The following CUTC variants were observed in gnomAD, a reference collection of about 807,000 sequenced individuals.
The protein encoded by CUTC is cutC copper transporter.
A neutral mutation model predicts 36.2 loss-of-function variants in CUTC; 27 were observed. The observed-to-expected ratio is 0.75, with a 90% confidence interval of 0.55 to 1.03. CUTC has a LOEUF of 1.03. Among genes scored for constraint, CUTC ranks in the 50% least tolerant of loss-of-function variants. CUTC has a pLI of 0.00. For missense variants in CUTC, 315 were observed against 343.5 expected (o/e 0.92, Z 0.66); for synonymous variants, 114 against 118.3 (o/e 0.96, Z 0.24).
At chr10:99,755,374 A>C (rs1232893285) in intron 8 of CUTC, among the ~76,000 whole-genome samples, 1 of 122,974 alleles carries the variant, frequency 8.1e-6, no homozygotes, top group Admixed American at 9.2e-5. Context: ...CCTGTAATTT[A>C]AAAAGGAAAA....
chr10:99,742,696 C>T (rs570638227), intron 3 of CUTC, among the ~76,000 whole-genome samples: 1 of 147,850 alleles, frequency 6.8e-6, no homozygotes, highest in Admixed American at 6.8e-5. Flanking sequence ...CTCCCTTTCA[C>T]GTATCTTGTT....
chr10:99,740,942 C>T (rs1369485423), intron 3 of CUTC, among the ~76,000 whole-genome samples: 2 of 152,132 alleles, frequency 1.3e-5, no homozygotes, highest in Non-Finnish European at 2.9e-5. Flanking sequence ...CTTTTTATGT[C>T]TCTGATGTCT....
intron 3 of CUTC, among the ~76,000 whole-genome samples, chr10:99,742,428 T>C (rs944642764): frequency 2.6e-5 from 4 of 152,202 alleles, no homozygotes; most frequent in Non-Finnish European, 5.9e-5. Context: ...CCCTAGAGCA[T>C]GTCTGTAAAT....
chr10:99,749,812 T>G (rs549015324), intron 6 of CUTC, among the ~76,000 whole-genome samples: 202 of 152,240 alleles, frequency 1.3e-3, no homozygotes, highest in Non-Finnish European at 2.2e-3. Flanking sequence ...TTTGTTATAC[T>G]TATTGCTACC....
chr10:99,737,136 G>A (rs933312661), intron 2 of CUTC, among the ~76,000 whole-genome samples: 2 of 152,022 alleles, frequency 1.3e-5, no homozygotes, highest in African/African-American at 4.8e-5. Context: ...CAAGCGTGGT[G>A]GTGAGCACCT....
rs2231675 is a variant in CUTC at position 99,732,484 on chromosome 10, G to A, written c.61+75G>A. 0.58 allele frequency: 898,395 copies of A among 1,543,978 alleles called. 263,991 individuals are homozygous for A. The highest frequency in any genetic ancestry group is 0.72 in the Middle Eastern group (3,176 of 4,422). On this transcript the variant is annotated intron_variant, in intron 1 of 8. Coordinates refer to ENST00000370476, the MANE Select transcript of CUTC (RefSeq NM_015960.3). ...CGGGCCGGCGGGAGTCGTAGTCAGT[G>A]GTGATTTCTTCTGGAGTCGTTTCCT...
At chr10:99,743,932 AG>A in intron 4 of CUTC, 104 bp from the exon 5 acceptor site, 3 of 750,898 alleles carry the variant, frequency 4.0e-6, no homozygotes, top group Non-Finnish European at 6.3e-6. Flanking sequence ...CTGTCTTGTT[AG>A]GCGAAGAAAG....
In CUTC at chr10:99,732,270, C is replaced by A; in HGVS notation, c.-79C>A. 1 of 1,538,236 alleles carries A rather than the reference C, an allele frequency of 6.5e-7. No individual in the cohort carries two copies. Among genetic ancestry groups the A allele is most frequent in the Non-Finnish European group, 8.8e-7 (1 of 1,140,786 alleles). On this transcript the variant is annotated 5_prime_UTR_variant, in exon 1 of 9. Transcript: ENST00000370476. ...GCGCACGGGCGCGCGCAGCTGTTGA[C>A]GCGCTTCTTAGCTGGTGCGCGCCGG...
At chr10:99,753,652 A>G (rs112679317) in intron 7 of CUTC, among the ~76,000 whole-genome samples, 99 of 151,904 alleles carry the variant, frequency 6.5e-4, no homozygotes, top group Non-Finnish European at 1.3e-3. Flanking sequence ...CTCAAGTGAT[A>G]CTCCTGCCTT....
At chr10:99,732,595 G>T (rs2037224263) in intron 1 of CUTC, 186 bp downstream of exon 1, 1 of 1,435,476 alleles carries the variant, frequency 7.0e-7, no homozygotes, top group Non-Finnish European at 9.1e-7. Context: ...GGGGCAGGTA[G>T]CGAGAATGGC....
intron 1 of CUTC, among the ~76,000 whole-genome samples, chr10:99,735,101 C>CAAAA (rs56971127): frequency 3.2e-3 from 221 of 68,744 alleles, no homozygotes; most frequent in African/African-American, 7.8e-3. Context: ...GACTCTGTAT[C>CAAAA]AAAAAAAAAA....
intron 1 of CUTC, among the ~76,000 whole-genome samples, chr10:99,735,439 ACT>A (rs1336467444): frequency 1.3e-5 from 2 of 151,890 alleles, no homozygotes; most frequent in African/African-American, 2.4e-5. Flanking sequence ...ACAGAGTATC[ACT>A]CTGTCACCCA....
Position 99,732,336 on chromosome 10 carries a change from G to C in CUTC, c.-13G>C. ...TGGAAACTGCAGGCGCACGAGGGAG[G>C]AACGCGTGGAGCATGAAAAGGCAGG... On this transcript the variant is annotated 5_prime_UTR_variant, in exon 1 of 9. Transcript: ENST00000370476. 1 of 1,551,986 alleles carries C rather than the reference G, an allele frequency of 6.4e-7. No individual in the cohort carries two copies. Among genetic ancestry groups the C allele is most frequent in the Non-Finnish European group, 8.7e-7 (1 of 1,147,414 alleles).
rs1272027461 is a variant in CUTC at position 99,754,562 on chromosome 10, T to G, written c.635T>G (p.Ile212Ser). 6.2e-7 allele frequency: 1 copy of G among 1,613,722 alleles called. No individual in the cohort carries two copies. Among genetic ancestry groups the G allele is most frequent in the Non-Finnish European group, 8.5e-7 (1 of 1,179,698 alleles). Reference protein sequence around the residue: ...GGITDRNLQRILEGSGATEFH... With the variant: ...GGITDRNLQRSLEGSGATEFH... Reference sequence around the variant, plus strand: ...ATAACAGACAGAAATCTACAAAGGATCCTTGAGGGTTCAGGTGCTACAGAA... The same window carrying G: ...ATAACAGACAGAAATCTACAAAGGAGCCTTGAGGGTTCAGGTGCTACAGAA... Residue 212 changes from isoleucine (I) to serine (S), a missense_variant, in exon 8 of 9, where the codon ATC (isoleucine) becomes AGC (serine). Transcript: ENST00000370476.
chr10:99,732,731 AC>A, intron 1 of CUTC: 1 of 551,210 alleles, frequency 1.8e-6, no homozygotes, highest in Non-Finnish European at 2.3e-6. Context: ...TACCGCCCGC[AC>A]CAGCAGCCAG....
chr10:99,736,861 A>G (rs571267078), intron 2 of CUTC, among the ~76,000 whole-genome samples: 1 of 152,230 alleles, frequency 6.6e-6, no homozygotes, highest in African/African-American at 2.4e-5. Context: ...CCAGTTTTTC[A>G]TTTATTTCAG....
chr10:99,735,104 A>G (rs2037284966), intron 1 of CUTC, among the ~76,000 whole-genome samples: 1 of 6,124 alleles, frequency 1.6e-4, no homozygotes, highest in South Asian at 7.4e-3. Context: ...TCTGTATCAA[A>G]AAAAAAAAAA....
chr10:99,738,358 G>A (rs1398752098), intron 2 of CUTC, among the ~76,000 whole-genome samples: 1 of 149,550 alleles, frequency 6.7e-6, no homozygotes. Flanking sequence ...AAATAACCCA[G>A]TTTTCAGATT....
rs775314872 is a variant in CUTC, at chr10:99,736,226, C to G, written c.62-20C>G. On this transcript the variant is annotated intron_variant, in intron 1 of 8. Coordinates refer to ENST00000370476, the MANE Select transcript of CUTC (RefSeq NM_015960.3). ...TGGATAGAACCTTTATGAACTCTTA[C>G]CATTCTCCATGTATTTTAGGAGCAG... is the stretch of plus-strand genomic sequence containing the variant. 2 of 1,607,438 alleles carry G rather than the reference C, an allele frequency of 1.2e-6. No individual in the cohort carries two copies. Among genetic ancestry groups the G allele is most frequent in the Non-Finnish European group, 1.7e-6 (2 of 1,174,096 alleles).
Sources: gnomAD v4.1 joint callset for allele counts (sites outside exome capture counted in the v4.1 genomes callset) on GRCh38, gnomAD v4.1.1 for gene constraint, MANE v1.5 for transcripts, NCBI Gene and HGNC (gene_info 2026-07-23, HGNC 2026-07-21) for gene names.